Variants in CFAP47 observed in about 807,000 individuals in gnomAD.
The protein encoded by CFAP47 is cilia and flagella associated protein 47.
A neutral mutation model predicts 148.1 loss-of-function variants in CFAP47; 29 were observed. That is an observed-to-expected ratio of 0.20 (90% CI 0.15 to 0.27). CFAP47 has a LOEUF of 0.27. Ranked by LOEUF, CFAP47 falls within the 10% of genes least tolerant of loss-of-function variation. The pLI is 1.00. For synonymous variants in CFAP47, 664 were observed against 577.3 expected (o/e 1.15, Z -2.15); for missense variants, 1,872 against 1,697.5 (o/e 1.10, Z -1.81).
chrX:36,046,048 G>A (rs1379580270), intron 25 of CFAP47, among the ~76,000 whole-genome samples: 3 of 111,131 alleles, frequency 2.7e-5, no homozygotes. Context: ...ATTCAAGGTA[G>A]CGTATAGGTT....
intron 25 of CFAP47, among the ~76,000 whole-genome samples, chrX:36,042,079 G>A (rs1937412731): frequency 9.0e-6 from 1 of 111,243 alleles, no homozygotes; most frequent in African/African-American, 3.3e-5. Flanking sequence ...CATAGACTGA[G>A]AATAAAGGTA....
At chrX:35,975,510 AT>A in intron 14 of CFAP47, 147 bp downstream of exon 14, 5 of 646,140 alleles carry the variant, frequency 7.7e-6, no homozygotes, top group Non-Finnish European at 1.2e-5. Flanking sequence ...AGATATATAG[AT>A]TGATAGTTTA....
rs1169733926 is a variant in CFAP47, at chrX:36,310,908, C to T, written c.8263C>T (p.Arg2755Cys). Residue 2755 changes from arginine to cysteine, a missense_variant, in exon 56 of 64, where the codon CGC (arginine) becomes TGC (cysteine). Transcript: ENST00000378653. ...TCTAGACACGGAAAGAATAACCACA[C>T]GCATTGGTCTTCAGTCAACTATTGT... Reference protein sequence around the residue: ...QPLDTERITTRIGLQSTIVIP... With the variant: ...QPLDTERITTCIGLQSTIVIP... 5 of 1,137,436 alleles carry T rather than the reference C, an allele frequency of 4.4e-6. No individual in the cohort carries two copies. The highest frequency in any genetic ancestry group is 5.9e-6 in the Non-Finnish European group (5 of 848,840). 93.7% of individuals were successfully genotyped at this position (1,137,436 alleles called of 1,213,427 possible).
At chrX:36,125,950 C>T in intron 33 of CFAP47, among the ~76,000 whole-genome samples, 2 of 111,130 alleles carry the variant, frequency 1.8e-5, no homozygotes, top group South Asian at 7.5e-4. Context: ...TATTCTGTTA[C>T]TACGATTCAA....
At chrX:36,317,129 C>A (rs782073919) in intron 56 of CFAP47, among the ~76,000 whole-genome samples, 3 of 111,064 alleles carry the variant, frequency 2.7e-5, no homozygotes. Context: ...TATGAAAATC[C>A]CTGGAGGTCC....
chrX:36,190,522 A>G (rs1555986329), intron 42 of CFAP47, among the ~76,000 whole-genome samples: 1 of 112,436 alleles, frequency 8.9e-6, no homozygotes, highest in East Asian at 2.8e-4. Flanking sequence ...CAGTTACTGT[A>G]TGTCACAGGT....
chrX:36,231,539 A>G (rs1188205786), intron 46 of CFAP47, among the ~76,000 whole-genome samples: 2 of 111,258 alleles, frequency 1.8e-5, no homozygotes, highest in African/African-American at 3.3e-5. Flanking sequence ...TTCTACGTAT[A>G]CAATCATGTC....
At chrX:36,295,144 G>A (rs1556006368) in intron 51 of CFAP47, among the ~76,000 whole-genome samples, 3 of 111,983 alleles carry the variant, frequency 2.7e-5, no homozygotes, top group African/African-American at 6.5e-5. Context: ...TCATTAAACC[G>A]AAAAGAGCGC....
chrX:36,283,400 C>G (rs1462155219), intron 50 of CFAP47, among the ~76,000 whole-genome samples: 1 of 111,757 alleles, frequency 8.9e-6, no homozygotes, highest in Non-Finnish European at 1.9e-5. Flanking sequence ...ACAACACTGC[C>G]ACGTGTGATA....
chrX:36,378,306 C>T (rs1942042775), intron 62 of CFAP47, among the ~76,000 whole-genome samples: 1 of 111,914 alleles, frequency 8.9e-6, no homozygotes, highest in Admixed American at 9.5e-5. Context: ...AACCCATTTT[C>T]AGGCCCAAGA....
At chrX:35,955,447 CG>C (rs1438089805) in intron 7 of CFAP47, among the ~76,000 whole-genome samples, 2 of 111,970 alleles carry the variant, frequency 1.8e-5, no homozygotes, top group Non-Finnish European at 3.8e-5. Flanking sequence ...TCTTTAAAGG[CG>C]TTTGAACATG....
At chrX:36,097,478 T>C (rs2146789307) in intron 30 of CFAP47, among the ~76,000 whole-genome samples, 1 of 111,750 alleles carries the variant, frequency 8.9e-6, no homozygotes, top group South Asian at 3.7e-4. Flanking sequence ...TACTTTTTCA[T>C]ATTTGAAGGA....
intron 40 of CFAP47, among the ~76,000 whole-genome samples, chrX:36,183,588 G>T (rs888281447): frequency 2.7e-5 from 3 of 111,566 alleles, no homozygotes; most frequent in Non-Finnish European, 5.6e-5. Flanking sequence ...TGTTAAACTG[G>T]CTTTAAAATA....
chrX:36,095,230 G>A (rs959023665), intron 30 of CFAP47, among the ~76,000 whole-genome samples: 3 of 111,543 alleles, frequency 2.7e-5, no homozygotes, highest in African/African-American at 3.2e-5. Context: ...ACTCAACAGG[G>A]ATAAATCTCA....
At chrX:36,312,934 G>T (rs139608023) in intron 56 of CFAP47, among the ~76,000 whole-genome samples, 322 of 110,735 alleles carry the variant, frequency 2.9e-3, no homozygotes, top group African/African-American at 9.9e-3. Flanking sequence ...ATGTGAAAAA[G>T]AACTTCTTTC....
chrX:36,171,337 A>C (rs1285028146), intron 39 of CFAP47, among the ~76,000 whole-genome samples: 5 of 110,844 alleles, frequency 4.5e-5, no homozygotes, highest in African/African-American at 1.6e-4. Flanking sequence ...TTCTGTTGCC[A>C]TTGCTTTTGG....
At chrX:36,196,252 G>T (rs782676859) in intron 42 of CFAP47, among the ~76,000 whole-genome samples, 123 of 111,186 alleles carry the variant, frequency 1.1e-3, no homozygotes, top group Non-Finnish European at 1.9e-3. Context: ...TAGCCAAATG[G>T]TGACCTATAA....
At chrX:36,170,576 C>T (rs1602024464) in intron 39 of CFAP47, among the ~76,000 whole-genome samples, 1 of 110,173 alleles carries the variant, frequency 9.1e-6, no homozygotes, top group East Asian at 2.9e-4. Context: ...GATAGTTTAC[C>T]GAGAATGATG....
intron 15 of CFAP47, among the ~76,000 whole-genome samples, chrX:35,987,738 T>C (rs1337057898): frequency 9.0e-6 from 1 of 111,609 alleles, no homozygotes; most frequent in Non-Finnish European, 1.9e-5. Flanking sequence ...TCTGGTGGCA[T>C]AGGCACCTGA....
Sources: gnomAD v4.1 joint callset for allele counts (sites outside exome capture counted in the v4.1 genomes callset) on GRCh38, gnomAD v4.1.1 for gene constraint, MANE v1.5 for transcripts, NCBI Gene and HGNC (gene_info 2026-07-23, HGNC 2026-07-21) for gene names.